Variants in DGKA observed in about 807,000 individuals in gnomAD.
DGKA encodes the protein diacylglycerol kinase alpha.
DGKA carries 35 observed loss-of-function variants against 105.0 expected under a neutral mutation model. The ratio of observed to expected loss-of-function variants is 0.33; its 90% CI spans 0.25 to 0.44. The LOEUF (loss-of-function observed/expected upper bound fraction) is 0.44, where lower values mean the gene tolerates loss of function less well. DGKA is among the 20% of genes least tolerant of loss of function. The pLI is 1.00. For synonymous variants in DGKA, 296 were observed against 332.0 expected (o/e 0.89, Z 1.18); for missense variants, 665 against 915.0 (o/e 0.73, Z 3.53).
At chr12:55,935,738 G>C (rs927961040) in intron 1 of DGKA, 3 of 273,266 alleles carry the variant, frequency 1.1e-5, no homozygotes, top group Non-Finnish European at 1.1e-5. Flanking sequence ...CCTACCCCGC[G>C]CCTAGTTCCC....
At chr12:55,942,366 G>A (rs933537143) in intron 17 of DGKA, 103 bp downstream of exon 17, 3 of 1,096,056 alleles carry the variant, frequency 2.7e-6, no homozygotes, top group African/African-American at 3.1e-5. Flanking sequence ...AAGGATTGGG[G>A]AAGAAGAGGG....
chr12:55,928,521 C>CA (rs1435479592), upstream of DGKA, among the ~76,000 whole-genome samples: 2 of 151,208 alleles, frequency 1.3e-5, no homozygotes, highest in African/African-American at 2.4e-5. Flanking sequence ...ACTAAAAATA[C>CA]AAAAAAATTA....
chr12:55,939,227 T>G lies in DGKA; in HGVS notation c.516T>G (p.Ser172Arg), dbSNP rs1885392428. The change falls in exon 8 of 24, where the codon AGT becomes AGG. Residue 172 changes from serine (S) to arginine (R), a missense_variant. Coordinates refer to ENST00000331886, the MANE Select transcript of DGKA (RefSeq NM_001345.5). ...EMMKEIDYDG[S>R]GSVSQAEWVR... ...TGAAAGAGATTGACTATGATGGCAG[T>G]GGCTCTGTCTCTCAAGCTGAGTGGG... The G allele has an allele frequency of 6.2e-7, 1 of 1,614,112 alleles. No individual in the cohort carries two copies.
chr12:55,953,478 C>T (rs765637918), intron 23 of DGKA, 68 bp downstream of exon 23: 55 of 1,527,054 alleles, frequency 3.6e-5, no homozygotes, highest in Non-Finnish European at 5.0e-5. Context: ...CCCCATTCCA[C>T]AGCTTCTTTA....
At chr12:55,937,184 C>A in intron 3 of DGKA, 94 bp downstream of exon 3, 1 of 1,399,422 alleles carries the variant, frequency 7.1e-7, no homozygotes, top group Non-Finnish European at 1.0e-6. Flanking sequence ...GCCTGCCCCT[C>A]ACTATCCCCT....
chr12:55,951,441 A>G (rs1246013616), intron 17 of DGKA, among the ~76,000 whole-genome samples, 182 bp from the exon 18 acceptor site: 1 of 152,072 alleles, frequency 6.6e-6, no homozygotes, highest in Non-Finnish European at 1.5e-5. Context: ...TTCACCCTCC[A>G]CACAGCATGG....
intron 17 of DGKA, among the ~76,000 whole-genome samples, chr12:55,947,735 G>C (rs1887321875): frequency 6.6e-6 from 1 of 152,104 alleles, no homozygotes; most frequent in Non-Finnish European, 1.5e-5. Context: ...CATTTCTCTA[G>C]GAGAGACTTC....
chr12:55,941,375 G>T, intron 14 of DGKA, 50 bp downstream of exon 14: 1 of 1,593,666 alleles, frequency 6.3e-7, no homozygotes, highest in Non-Finnish European at 8.6e-7. Flanking sequence ...GGGCCTGCCT[G>T]CAACACTTAG....
chr12:55,952,926 G>A lies in DGKA; in HGVS notation c.1936G>A (p.Val646Ile), dbSNP rs181260450. Residue 646 changes from valine (V) to isoleucine (I), a missense_variant, in exon 21 of 24, where the codon GTA becomes ATA. By Grantham distance (29) the Val-to-Ile change is conservative (BLOSUM62 3). This residue lies in a region of DGKA where 158 missense variants were observed against 213.4 expected (regional missense o/e 0.74). Coordinates refer to ENST00000331886, the MANE Select transcript of DGKA (RefSeq NM_001345.5). The surrounding 1 kb of genome is among the most constrained non-coding windows in gnomAD (Gnocchi z 5.1). Reference protein sequence around the residue: ...ITDPDILKTCVPDLSDKRLEV... With the variant: ...ITDPDILKTCIPDLSDKRLEV... ...CGACCCTGATATCCTGAAAACCTGTGTACCAGGTGAGAGGAGCAGCCTTGG... is the reference window on the plus strand; with the variant it reads ...CGACCCTGATATCCTGAAAACCTGTATACCAGGTGAGAGGAGCAGCCTTGG... 1.4e-5 allele frequency: 22 copies of A among 1,614,198 alleles called. No homozygotes were observed. In the Admixed American group the frequency reaches 1.7e-4, roughly 12 times the overall value.
chr12:55,942,394 C>A, intron 17 of DGKA, 131 bp downstream of exon 17: 1 of 827,092 alleles, frequency 1.2e-6, no homozygotes, highest in Non-Finnish European at 2.0e-6. Context: ...CAGGTGGATA[C>A]AAAAGTGGAA....
rs201663601 is a variant in DGKA at position 55,949,202 on chromosome 12, AT to A, written c.1427-2408del. Among the ~76,000 whole-genome samples, 1,031 of 145,240 alleles carry A rather than the reference AT, an allele frequency of 7.1e-3. 8 individuals carry two copies. Among genetic ancestry groups the A allele is most frequent in the East Asian group, 0.017 (84 of 4,868 alleles). ...CACACACACATATGCATAAACAGACATTTTTTTTTTTTTGAGACGGAGTCTC... is the reference window on the plus strand; with the variant it reads ...CACACACACATATGCATAAACAGACATTTTTTTTTTTTGAGACGGAGTCTC... On this transcript the variant is annotated intron_variant, in intron 17 of 23. Coordinates refer to ENST00000331886, the MANE Select transcript of DGKA (RefSeq NM_001345.5).
intron 16 of DGKA, 22 bp downstream of exon 16, chr12:55,942,105 G>A: frequency 1.2e-6 from 2 of 1,614,046 alleles, no homozygotes; most frequent in Non-Finnish European, 1.7e-6. Flanking sequence ...GAGGGGCGTG[G>A]GGAAGGTATT....
At chr12:55,946,984 C>CTTTTTTTTTT (rs1233832786) in intron 17 of DGKA, among the ~76,000 whole-genome samples, 1 of 127,886 alleles carries the variant, frequency 7.8e-6, no homozygotes, top group African/African-American at 3.0e-5. Flanking sequence ...TCCTTTCTTT[C>CTTTTTTTTTT]TTTTTTTTTT....
intron 1 of DGKA, 37 bp from the exon 2 acceptor site, chr12:55,936,386 G>T: frequency 6.8e-7 from 1 of 1,471,964 alleles, no homozygotes; most frequent in South Asian, 1.4e-5. Context: ...CCAGACAGCT[G>T]GCTCTTCCCA....
At chr12:55,946,975 C>T (rs1887142431) in intron 17 of DGKA, among the ~76,000 whole-genome samples, 2 of 148,654 alleles carry the variant, frequency 1.3e-5, no homozygotes, top group African/African-American at 5.0e-5. Flanking sequence ...TTCTTTTCTT[C>T]CTTTCTTTCT....
Position 55,952,882 on chromosome 12 carries a change from C to T in DGKA, c.1892C>T (p.Ala631Val), listed in dbSNP as rs776890566. The T allele has an allele frequency of 1.9e-6, 3 of 1,614,046 alleles. No homozygotes were observed. The highest frequency in any genetic ancestry group is 1.1e-5 in the South Asian group (1 of 91,082). The stretch of plus-strand genomic sequence containing the variant: ...TATGGGATCAACCAGGCCTTAGGTG[C>T]TACAGCTAAAGTCATCACCGACCCT... ...DIYGINQALGATAKVITDPDI... is the reference protein window; with the variant it reads ...DIYGINQALGVTAKVITDPDI... Residue 631 changes from alanine (A) to valine (V), a missense_variant, in exon 21 of 24, where the codon GCT becomes GTT. By Grantham distance (64) the Ala-to-Val change is moderately conservative. This residue lies in a region of DGKA where 158 missense variants were observed against 213.4 expected (regional missense o/e 0.74). Transcript: ENST00000331886. This position sits in a 1 kb window ranked among gnomAD's most constrained non-coding sequence, Gnocchi z 5.1.
At chr12:55,948,390 G>A (rs1207661342) in intron 17 of DGKA, among the ~76,000 whole-genome samples, 3 of 145,180 alleles carry the variant, frequency 2.1e-5, no homozygotes, top group Non-Finnish European at 3.0e-5. Context: ...GACAGAGCTA[G>A]ACTCCATCTC....
intron 17 of DGKA, among the ~76,000 whole-genome samples, chr12:55,949,154 GT>G (rs1471041278): frequency 1.3e-5 from 2 of 151,784 alleles, no homozygotes; most frequent in Non-Finnish European, 2.9e-5. Context: ...TCATTTTTCT[GT>G]TTTTACATGC....
At chr12:55,938,224 AC>A in intron 5 of DGKA, 172 bp downstream of exon 5, 1 of 686,446 alleles carries the variant, frequency 1.5e-6, no homozygotes, top group Non-Finnish European at 2.5e-6. Flanking sequence ...TATACCTAAT[AC>A]CCTTCACCAT....
Sources: gnomAD v4.1 joint callset for allele counts (sites outside exome capture counted in the v4.1 genomes callset) on GRCh38, gnomAD v4.1.1 for gene constraint, gnomAD v4.1.1 regional missense constraint, Gnocchi (gnomAD v3.1) non-coding constraint, MANE v1.5 for transcripts, NCBI Gene and HGNC (gene_info 2026-07-23, HGNC 2026-07-21) for gene names.